ABCA13: variants seen among roughly 807,000 people sequenced by gnomAD.
ABCA13 encodes ATP binding cassette subfamily A member 13.
A neutral mutation model predicts 478.7 loss-of-function variants in ABCA13; 476 were observed. That is an observed-to-expected ratio of 0.99 (90% CI 0.92 to 1.07). ABCA13 has a LOEUF of 1.07. ABCA13 is among the 50% of genes least tolerant of loss of function. The pLI is 0.00. For missense variants in ABCA13, 6,060 were observed against 5,910.6 expected, an observed-to-expected ratio of 1.03 and a Z score of -0.83; for synonymous variants, 2,252 against 2,158.9, an observed-to-expected ratio of 1.04 and a Z score of -1.20.
At chr7:48,479,426 T>A (rs1828526279) in intron 45 of ABCA13, among the ~76,000 whole-genome samples, 1 of 152,008 alleles carries the variant, frequency 6.6e-6, no homozygotes, top group Admixed American at 6.5e-5. Context: ...TTATTAGAGA[T>A]GGGGTTTCAT....
intron 59 of ABCA13, chr7:48,626,637 C>T (rs573196772): frequency 2.0e-6 from 2 of 985,412 alleles, no homozygotes; most frequent in South Asian, 9.4e-5. Flanking sequence ...CAACTGGTGA[C>T]CAAGCACATG....
rs1796306586 is a variant in ABCA13 at position 48,276,361 on chromosome 7, T to C, written c.6695T>C (p.Leu2232Pro). Residue 2232 changes from leucine to proline, a missense_variant, in exon 17 of 62, where the codon CTT becomes CCT. By Grantham distance (98) the Leu-to-Pro change is moderately conservative. This residue lies in a region of ABCA13 where 4,423 missense variants were observed against 4,309.1 expected (regional missense o/e 1.03). Coordinates refer to ENST00000435803, the MANE Select transcript of ABCA13 (RefSeq NM_152701.5). Reference sequence around the variant, plus strand: ...GCTTGGAACTTAAATGATACTGACCTTCAAATAATGAATTTCATTAACCTT... The same window carrying C: ...GCTTGGAACTTAAATGATACTGACCCTCAAATAATGAATTTCATTAACCTT... ...EAAWNLNDTDLQIMNFINLIL... is the reference protein window; with the variant it reads ...EAAWNLNDTDPQIMNFINLIL... 7.1e-6 allele frequency: 11 copies of C among 1,547,138 alleles called. No homozygotes were observed. Among genetic ancestry groups the C allele is most frequent in the Non-Finnish European group, 9.6e-6 (11 of 1,147,090 alleles).
rs201957186 is a variant in ABCA13 at position 48,227,280 on chromosome 7, G to A, written c.487G>A (p.Glu163Lys). Residue 163 changes from glutamate to lysine, a missense_variant, in exon 6 of 62, where the codon GAG becomes AAG. Transcript: ENST00000435803. ...CCATCAGATGGATCTCAATAAGACCGAGGAGGTAATATTGAAACTGGAAAG... is the reference window on the plus strand; with the variant it reads ...CCATCAGATGGATCTCAATAAGACCAAGGAGGTAATATTGAAACTGGAAAG... ...SFFTMDLNKTEEVILKLESLH... is the reference protein window; with the variant it reads ...SFFTMDLNKTKEVILKLESLH... 7.5e-5 allele frequency: 121 copies of A among 1,613,596 alleles called. 1 individual carries two copies. The East Asian group carries it at 1.0e-3, about 14-fold the overall frequency.
At position 48,245,748 on chromosome 7, in the gene ABCA13, A is replaced by G. The variant is rs184650180; in HGVS notation, c.1492-115A>G. The G allele has an allele frequency of 2.6e-4, 373 of 1,441,708 alleles. 3 individuals carry two copies. In the East Asian group the frequency reaches 8.7e-3, roughly 33 times the overall value. 89.3% of individuals were successfully genotyped at this position (1,441,708 alleles called of 1,614,324 possible). Reference sequence around the variant, plus strand: ...CAATATGCAGGTTTTTCAAAACTTTATGTTGTGTTTAAAATGTTTATCATT... The same window carrying G: ...CAATATGCAGGTTTTTCAAAACTTTGTGTTGTGTTTAAAATGTTTATCATT... On this transcript the variant is annotated intron_variant, in intron 12 of 61. Coordinates refer to ENST00000435803, the MANE Select transcript of ABCA13 (RefSeq NM_152701.5).
At chr7:48,594,307 C>G (rs943078926) in intron 57 of ABCA13, among the ~76,000 whole-genome samples, 2 of 151,964 alleles carry the variant, frequency 1.3e-5, no homozygotes, top group Admixed American at 6.5e-5. Context: ...AAATAATCTG[C>G]CCTCAAGTTC....
rs1796682137 is a variant in ABCA13, at chr7:48,279,120, A to C, written c.7926A>C (p.Leu2642Phe). ...TTTTGGAAGAAATTGCTGAATTTTT[A>C]ACATCTGTGAAAATGAACTTGGAAG... The part of the protein sequence containing the change: ...SDILEEIAEF[L>F]TSVKMNLEDM... Residue 2642 changes from leucine to phenylalanine, a missense_variant, in exon 18 of 62, where the codon TTA (leucine) becomes TTC (phenylalanine). Transcript: ENST00000435803. 2 of 1,610,048 alleles carry C rather than the reference A, an allele frequency of 1.2e-6. No homozygotes were observed. The highest frequency in any genetic ancestry group is 1.7e-6 in the Non-Finnish European group (2 of 1,178,510).
At chr7:48,247,929 A>G (rs1364769031) in intron 13 of ABCA13, among the ~76,000 whole-genome samples, 2 of 152,178 alleles carry the variant, frequency 1.3e-5, no homozygotes, top group African/African-American at 4.8e-5. Flanking sequence ...TGGTACTGAG[A>G]GTGAGACTCT....
rs770992147 is a variant in ABCA13 at position 48,272,079 on chromosome 7, C to G, written c.2413C>G (p.Gln805Glu). The G allele has an allele frequency of 6.2e-7, 1 of 1,613,714 alleles. No homozygotes were observed. The highest frequency in any genetic ancestry group is 1.1e-5 in the South Asian group (1 of 91,066). The part of the protein sequence containing the change: ...EFGNEVIWKM[Q>E]TLGSHWIRKE... ...TGGCAACGAAGTGATTTGGAAAATGCAGACTCTCGGAAGTCACTGGATAAG... is the reference window on the plus strand; with the variant it reads ...TGGCAACGAAGTGATTTGGAAAATGGAGACTCTCGGAAGTCACTGGATAAG... Residue 805 changes from glutamine to glutamate, a missense_variant, in exon 17 of 62, where the codon CAG becomes GAG. Physicochemically the swap from Gln to Glu is conservative, Grantham distance 29. Transcript: ENST00000435803.
intron 16 of ABCA13, among the ~76,000 whole-genome samples, chr7:48,270,067 C>T (rs934888556): frequency 6.6e-6 from 1 of 151,924 alleles, no homozygotes; most frequent in African/African-American, 2.4e-5. Flanking sequence ...ATTTGTGGAC[C>T]CATAGCAGTT....
chr7:48,248,591 T>A (rs188152210), intron 14 of ABCA13, 147 bp downstream of exon 14: 20 of 658,500 alleles, frequency 3.0e-5, no homozygotes, highest in Non-Finnish European at 4.0e-5. Context: ...ATTAACCTAC[T>A]GGTACTGTTG....
chr7:48,195,326 A>C (rs1454965786), intron 2 of ABCA13, among the ~76,000 whole-genome samples: 1 of 152,208 alleles, frequency 6.6e-6, no homozygotes, highest in African/African-American at 2.4e-5. Flanking sequence ...GGACACTGGA[A>C]AAGGCAGAAT....
chr7:48,227,080 A>G (rs1788320485), intron 5 of ABCA13, among the ~76,000 whole-genome samples, 182 bp from the exon 6 acceptor site: 2 of 152,168 alleles, frequency 1.3e-5, no homozygotes, highest in Non-Finnish European at 1.5e-5. Context: ...CCAACTGCAC[A>G]GAATAGTTTT....
intron 15 of ABCA13, among the ~76,000 whole-genome samples, chr7:48,265,246 A>T (rs533239807): frequency 3.2e-4 from 48 of 151,252 alleles, no homozygotes; most frequent in African/African-American, 8.7e-4. Flanking sequence ...TCTTTTTTTT[A>T]AAAAAAATGT....
chr7:48,203,373 G>C (rs1192936500), intron 3 of ABCA13, among the ~76,000 whole-genome samples: 1 of 152,246 alleles, frequency 6.6e-6, no homozygotes, highest in Admixed American at 6.5e-5. Flanking sequence ...ACAGTGCAGT[G>C]GTGGGCTGAA....
chr7:48,561,967 C>T (rs1183704540), intron 55 of ABCA13, among the ~76,000 whole-genome samples: 1 of 151,966 alleles, frequency 6.6e-6, no homozygotes, highest in African/African-American at 2.4e-5. Flanking sequence ...TGAAAGCTTT[C>T]TGAATAAGTG....
chr7:48,252,114 C>G (rs1397664573), intron 15 of ABCA13, among the ~76,000 whole-genome samples: 2 of 152,126 alleles, frequency 1.3e-5, no homozygotes, highest in African/African-American at 4.8e-5. Flanking sequence ...AATACACTCT[C>G]TGCCCCTTTC....
At chr7:48,500,017 T>C (rs910253211) in intron 48 of ABCA13, among the ~76,000 whole-genome samples, 3 of 152,210 alleles carry the variant, frequency 2.0e-5, no homozygotes, top group Non-Finnish European at 2.9e-5. Flanking sequence ...ATCAGACTGG[T>C]ATCCAGAAAA....
Position 48,239,470 on chromosome 7 carries a change from C to G in ABCA13, c.1062+65C>G. On this transcript the variant is annotated intron_variant, in intron 9 of 61. Coordinates refer to ENST00000435803, the MANE Select transcript of ABCA13 (RefSeq NM_152701.5). ...CAGTTTGAGTGTCCAAATCCATTCTCCTCCCCTGCCCTGCCATGTTTACTG... is the reference window on the plus strand; with the variant it reads ...CAGTTTGAGTGTCCAAATCCATTCTGCTCCCCTGCCCTGCCATGTTTACTG... 2.0e-6 allele frequency: 3 copies of G among 1,485,958 alleles called. No individual in the cohort carries two copies. The Admixed American group carries it at 6.6e-5, about 33-fold the overall frequency. 92.0% of individuals were successfully genotyped at this position (1,485,958 alleles called of 1,614,324 possible).
chr7:48,616,420 C>G (rs1792574532), intron 59 of ABCA13, among the ~76,000 whole-genome samples: 2 of 152,160 alleles, frequency 1.3e-5, no homozygotes, highest in Non-Finnish European at 2.9e-5. Flanking sequence ...ATTTCATGGT[C>G]TCCAACCTTT....
Sources: gnomAD v4.1 joint callset for allele counts (sites outside exome capture counted in the v4.1 genomes callset) on GRCh38, gnomAD v4.1.1 for gene constraint, gnomAD v4.1.1 regional missense constraint, MANE v1.5 for transcripts, NCBI Gene and HGNC (gene_info 2026-07-23, HGNC 2026-07-21) for gene names.